AHSA1: variants seen among roughly 807,000 people sequenced by gnomAD.
AHSA1 encodes the protein activator of 90 kDa heat shock protein ATPase homolog 1.
Under a neutral mutation model 46.1 loss-of-function variants are expected in AHSA1, and 14 were observed. The observed-to-expected ratio is 0.30, with a 90% confidence interval of 0.20 to 0.47. The LOEUF (loss-of-function observed/expected upper bound fraction) is 0.47. Among genes scored for constraint, AHSA1 ranks in the 20% least tolerant of loss-of-function variants. AHSA1 has a pLI of 0.99. For missense variants in AHSA1, 333 were observed against 415.9 expected (o/e 0.80, Z 1.73); for synonymous variants, 147 against 145.8 (o/e 1.01, Z -0.06).
At chr14:77,467,518 C>T (rs576212671) in intron 6 of AHSA1, among the ~76,000 whole-genome samples, 1 of 151,968 alleles carries the variant, frequency 6.6e-6, no homozygotes, top group South Asian at 2.1e-4. Flanking sequence ...ATGGTGAAAC[C>T]CCATCTCTAC....
chr14:77,458,239 CG>C lies in AHSA1; in HGVS notation c.52del (p.Asp18ThrfsTer23). 6.5e-7 allele frequency: 1 copy of C among 1,546,218 alleles called. No homozygotes were observed. The highest frequency in any genetic ancestry group is 8.7e-7 in the Non-Finnish European group (1 of 1,145,244). ...CCACGCTGGATCGTGGAGGAGCGGGCGGACGCCACCAACGTCAACAACTGGC... is the reference window on the plus strand; with the variant it reads ...CCACGCTGGATCGTGGAGGAGCGGGCGACGCCACCAACGTCAACAACTGGC... ...GDPRWIVEER[A>X]DATNVNNWHW... On this transcript the variant is annotated frameshift_variant, in exon 1 of 9. Transcript: ENST00000216479. LOFTEE classifies it high-confidence loss of function.
In AHSA1 at chr14:77,462,680, T is replaced by C; in HGVS notation, c.393T>C (p.Asn131=). The change falls in exon 4 of 9, where the codon AAT becomes AAC. Residue 131 remains asparagine (N), a synonymous_variant. Transcript: ENST00000216479. ...VSLAKDEPDT[N]LVALMKEEGV... is the part of the protein sequence containing the mutation. ...TTGCCAAAGATGAGCCTGACACAAA[T>C]CTCGTGGCCTTAATGAAGGAAGAAG... 6.2e-7 allele frequency: 1 copy of C among 1,614,044 alleles called. No homozygotes were observed. Among genetic ancestry groups the C allele is most frequent in the Non-Finnish European group, 8.5e-7 (1 of 1,179,990 alleles).
intron 4 of AHSA1, among the ~76,000 whole-genome samples, chr14:77,464,137 T>C (rs1242246767): frequency 1.3e-5 from 2 of 152,216 alleles, no homozygotes; most frequent in South Asian, 2.1e-4. Context: ...CCAGCACTTT[T>C]GGAGGCCGAG....
intron 3 of AHSA1, 81 bp from the exon 4 acceptor site, chr14:77,462,561 C>A: frequency 2.4e-6 from 3 of 1,271,988 alleles, no homozygotes; most frequent in South Asian, 2.4e-5. Context: ...TGTCAGCAGT[C>A]ACCTGATTGC....
At chr14:77,463,320 G>C (rs2079033612) in intron 4 of AHSA1, among the ~76,000 whole-genome samples, 1 of 151,766 alleles carries the variant, frequency 6.6e-6, no homozygotes, top group Non-Finnish European at 1.5e-5. Context: ...TGGGCACAGT[G>C]GCTCACACCT....
intron 6 of AHSA1, 32 bp from the exon 7 acceptor site, chr14:77,468,051 C>A: frequency 7.3e-6 from 5 of 683,210 alleles, no homozygotes; most frequent in South Asian, 2.3e-5. Flanking sequence ...TCTTCTGCCT[C>A]TTTTTTTTTT....
At chr14:77,458,339 CCTCGGCCCGGACAGAGCTGGGGCTG>C in intron 1 of AHSA1, 70 bp downstream of exon 1, 1 of 1,490,662 alleles carries the variant, frequency 6.7e-7, no homozygotes, top group Non-Finnish European at 9.0e-7. Flanking sequence ...GTTCCTAGAA[CCTCGGCCCGGACAGAGCTGGGGCTG>C]AGGTAGCCCT....
chr14:77,462,930 C>T, intron 4 of AHSA1, 171 bp downstream of exon 4: 2 of 577,838 alleles, frequency 3.5e-6, no homozygotes, highest in Non-Finnish European at 6.3e-6. Flanking sequence ...AGATCTGGAG[C>T]TGTGTTGCCT....
At chr14:77,462,570 G>A in intron 3 of AHSA1, 72 bp from the exon 4 acceptor site, 1 of 1,372,556 alleles carries the variant, frequency 7.3e-7, no homozygotes, top group Non-Finnish European at 1.0e-6. Flanking sequence ...TCACCTGATT[G>A]CTCAGCCCCC....
At chr14:77,460,159 C>G (rs2139936706) in intron 2 of AHSA1, 1 of 321,280 alleles carries the variant, frequency 3.1e-6, no homozygotes, top group South Asian at 2.9e-5. Context: ...TGGTCTTGAT[C>G]TTTGTGCACT....
intron 2 of AHSA1, among the ~76,000 whole-genome samples, chr14:77,461,252 C>T (rs761717233): frequency 6.6e-6 from 1 of 152,032 alleles, no homozygotes; most frequent in Non-Finnish European, 1.5e-5. Flanking sequence ...GCATCAAAGC[C>T]AGGCGCGGCG....
chr14:77,464,656 G>A lies in AHSA1; in HGVS notation c.531G>A (p.Gly177=). Reference sequence around the variant, plus strand: ...ATGGAGAGTCAGTAGACCCAGTGGGGCAGCCAGCACTGAAAACTGAGGAGC... The same window carrying A: ...ATGGAGAGTCAGTAGACCCAGTGGGACAGCCAGCACTGAAAACTGAGGAGC... ...TMNGESVDPV[G]QPALKTEERK... is the part of the protein sequence containing the mutation. The change falls in exon 5 of 9, where the codon GGG becomes GGA. Residue 177 remains glycine, a synonymous_variant. Coordinates refer to ENST00000216479, the MANE Select transcript of AHSA1 (RefSeq NM_012111.3). 1.4e-5 allele frequency: 23 copies of A among 1,613,994 alleles called. No individual in the cohort carries two copies. Among genetic ancestry groups the A allele is most frequent in the Non-Finnish European group, 1.9e-5 (22 of 1,180,014 alleles).
Position 77,462,177 on chromosome 14 carries a change from G to C in AHSA1, c.289G>C (p.Val97Leu). ...TTTGACAGGTACTTCTAAGTCAGGA[G>C]TACAATACAAAGGACATGTGGAGAT... Reference protein sequence around the residue: ...LNWTGTSKSGVQYKGHVEIPN... With the variant: ...LNWTGTSKSGLQYKGHVEIPN... Residue 97 changes from valine (V) to leucine (L), a missense_variant, in exon 3 of 9, where the codon GTA becomes CTA. Coordinates refer to ENST00000216479, the MANE Select transcript of AHSA1 (RefSeq NM_012111.3). The C allele has an allele frequency of 6.2e-7, 1 of 1,612,498 alleles. No homozygotes were observed.
Position 77,465,542 on chromosome 14 carries a change from A to C in AHSA1, c.565A>C (p.Lys189Gln). The C allele has an allele frequency of 6.2e-7, 1 of 1,613,842 alleles. No homozygotes were observed. Among genetic ancestry groups the C allele is most frequent in the Non-Finnish European group, 8.5e-7 (1 of 1,179,746 alleles). Residue 189 changes from lysine (K) to glutamine (Q), a missense_variant, in exon 6 of 9, where the codon AAG becomes CAG. By Grantham distance (53) the Lys-to-Gln change is moderately conservative (BLOSUM62 1). Coordinates refer to ENST00000216479, the MANE Select transcript of AHSA1 (RefSeq NM_012111.3). ...ATTTTCACTGCCACCTTCACAGGCT[A>C]AGCCTGCTCCTTCAAAAACCCAGGC... The part of the protein sequence containing the change: ...PALKTEERKA[K>Q]PAPSKTQARP...
At chr14:77,461,310 C>T (rs2079023293) in intron 2 of AHSA1, among the ~76,000 whole-genome samples, 1 of 152,120 alleles carries the variant, frequency 6.6e-6, no homozygotes, top group Admixed American at 6.5e-5. Context: ...GCAGGTGGAT[C>T]ACGAGGTCAG....
chr14:77,461,137 C>T (rs1272474975), intron 2 of AHSA1, among the ~76,000 whole-genome samples: 2 of 151,920 alleles, frequency 1.3e-5, no homozygotes, highest in Non-Finnish European at 2.9e-5. Flanking sequence ...CCAGCCTGGG[C>T]AACAGAGTGA....
At chr14:77,468,875 C>T in intron 8 of AHSA1, 2 of 641,222 alleles carry the variant, frequency 3.1e-6, no homozygotes, top group South Asian at 3.8e-5. Context: ...TGCCACCACG[C>T]CCACGTAATT....
chr14:77,459,772 CT>C lies in AHSA1; in HGVS notation c.241del (p.Tyr81MetfsTer7). 1 of 1,614,200 alleles carries C rather than the reference CT, an allele frequency of 6.2e-7. No individual in the cohort carries two copies. The highest frequency in any genetic ancestry group is 8.5e-7 in the Non-Finnish European group (1 of 1,180,040). ...ACAATCGCAAAGGGAAACTTATCTTCTTTTATGAATGGAGCGTCAAACTAAA... is the reference window on the plus strand; with the variant it reads ...ACAATCGCAAAGGGAAACTTATCTTCTTTATGAATGGAGCGTCAAACTAAA... Reference protein sequence around the residue: ...INNRKGKLIFFYEWSVKLNWT... With the variant: ...INNRKGKLIFXYEWSVKLNWT... On this transcript the variant is annotated frameshift_variant, in exon 2 of 9. Transcript: ENST00000216479. LOFTEE classifies it high-confidence loss of function.
At chr14:77,460,644 C>T (rs1458711647) in intron 2 of AHSA1, among the ~76,000 whole-genome samples, 1 of 150,892 alleles carries the variant, frequency 6.6e-6, no homozygotes, top group East Asian at 2.0e-4. Flanking sequence ...TGGCTCACTG[C>T]AACCTCCACT....
Sources: gnomAD v4.1 joint callset for allele counts (sites outside exome capture counted in the v4.1 genomes callset) on GRCh38, gnomAD v4.1.1 for gene constraint, MANE v1.5 for transcripts, NCBI Gene and HGNC (gene_info 2026-07-23, HGNC 2026-07-21) for gene names.